The following SEMA3A variants were observed in gnomAD, a reference collection of about 807,000 sequenced individuals.
SEMA3A encodes the protein semaphorin-3A.
In SEMA3A, 29 loss-of-function variants were observed where a neutral mutation model predicts 97.9. The ratio of observed to expected loss-of-function variants is 0.30; its 90% CI spans 0.22 to 0.40. The LOEUF (loss-of-function observed/expected upper bound fraction) is 0.40. Among genes scored for constraint, SEMA3A ranks in the 10% least tolerant of loss-of-function variants. SEMA3A has a pLI of 1.00. For missense variants in SEMA3A, 763 were observed against 951.3 expected (o/e 0.80, Z 2.60); for synonymous variants, 321 against 323.7 (o/e 0.99, Z 0.09).
chr7:84,011,533 T>C (rs1790872358), intron 7 of SEMA3A, among the ~76,000 whole-genome samples: 1 of 152,154 alleles, frequency 6.6e-6, no homozygotes, highest in Non-Finnish European at 1.5e-5. Flanking sequence ...AGTAGTCCCT[T>C]TATTTATTCA....
chr7:84,351,061 A>T (rs908854469), intron 2 of SEMA3A, among the ~76,000 whole-genome samples: 2 of 137,714 alleles, frequency 1.5e-5, no homozygotes, highest in Non-Finnish European at 3.1e-5. Flanking sequence ...AGATGTACAC[A>T]TGCATACACA....
intron 1 of SEMA3A, among the ~76,000 whole-genome samples, chr7:84,461,509 C>T (rs780066905): frequency 6.6e-6 from 1 of 150,770 alleles, no homozygotes. Flanking sequence ...ATAAGACAAA[C>T]TTCAATGCAT....
chr7:84,387,034 AATTATAGCTT>A (rs1803416605), intron 1 of SEMA3A, among the ~76,000 whole-genome samples: 2 of 151,922 alleles, frequency 1.3e-5, no homozygotes, highest in African/African-American at 4.8e-5. Context: ...TAATACAGTC[AATTATAGCTT>A]ATTAGCTGTG....
chr7:83,989,320 T>C (rs1381715341), intron 12 of SEMA3A, among the ~76,000 whole-genome samples: 2 of 152,038 alleles, frequency 1.3e-5, no homozygotes, highest in Non-Finnish European at 2.9e-5. Flanking sequence ...TAGATAAAAA[T>C]TATTATTTTT....
chr7:84,021,368 T>C (rs1252052108), intron 6 of SEMA3A, among the ~76,000 whole-genome samples: 1 of 152,236 alleles, frequency 6.6e-6, no homozygotes, highest in Non-Finnish European at 1.5e-5. Context: ...GCATTTGCCC[T>C]ATATTTCTCC....
intron 1 of SEMA3A, among the ~76,000 whole-genome samples, chr7:84,475,934 A>T (rs1053826980): frequency 6.6e-5 from 10 of 152,238 alleles, no homozygotes; most frequent in African/African-American, 2.4e-4. Flanking sequence ...ATTAAGATAC[A>T]TCTTAGTAAA....
chr7:84,314,513 G>A (rs1007014818), intron 2 of SEMA3A, among the ~76,000 whole-genome samples: 4 of 152,144 alleles, frequency 2.6e-5, no homozygotes, highest in Admixed American at 6.6e-5. Flanking sequence ...GTATGTCTCA[G>A]ATTGGGGTTG....
chr7:84,431,623 T>C (rs942728944), intron 1 of SEMA3A, among the ~76,000 whole-genome samples: 1 of 108,406 alleles, frequency 9.2e-6, no homozygotes, highest in Admixed American at 1.1e-4. Context: ...AAAATCAGAG[T>C]TTTTTTTTTA....
intron 3 of SEMA3A, among the ~76,000 whole-genome samples, chr7:84,261,466 G>C (rs1462492700): frequency 6.6e-6 from 1 of 152,212 alleles, no homozygotes; most frequent in African/African-American, 2.4e-5. Flanking sequence ...CCTGAGCCAG[G>C]GCTGTAATAC....
At chr7:84,096,345 AT>A (rs1430759057) in intron 4 of SEMA3A, among the ~76,000 whole-genome samples, 1 of 152,052 alleles carries the variant, frequency 6.6e-6, no homozygotes, top group Non-Finnish European at 1.5e-5. Flanking sequence ...AAGCTATAGT[AT>A]TTTATAAACT....
chr7:84,491,633 T>A (rs937675687), intron 1 of SEMA3A, among the ~76,000 whole-genome samples: 1 of 152,110 alleles, frequency 6.6e-6, no homozygotes, highest in Non-Finnish European at 1.5e-5. Flanking sequence ...GTAAAAAGAT[T>A]CCCCATAGCC....
At chr7:84,136,959 A>AGG (rs879481159) in intron 1 of SEMA3A, among the ~76,000 whole-genome samples, 55,123 of 138,862 alleles carry the variant, frequency 0.4, 12,237 homozygotes, top group Middle Eastern at 0.51. Context: ...GGAGGGAGGG[A>AGG]AGAAGGAAGG....
chr7:84,410,922 G>A lies in SEMA3A; in HGVS notation c.-245-39022C>T, dbSNP rs140809590. Among the ~76,000 whole-genome samples the A allele has an allele frequency of 3.5e-3, 531 of 152,202 alleles. 3 individuals carry two copies. Among genetic ancestry groups the A allele is most frequent in the Non-Finnish European group, 5.6e-3 (381 of 68,000 alleles). ...TATACTGACACAGTGACAACTATTA[G>A]ATAGAACTTACTTCAGGTTTTTCTT... On this transcript the variant is annotated intron_variant, in intron 1 of 3. Transcript: ENST00000424555.
rs553728732 is a variant in SEMA3A at position 84,407,430 on chromosome 7, G to A, written c.-245-35530C>T. ...AATGGAAGAACATTCCATGCTCATG[G>A]GTAGGAAGAATCAATATCGTGAAAA... On this transcript the variant is annotated intron_variant, in intron 1 of 3. Coordinates refer to the SEMA3A transcript ENST00000424555. 2.0e-4 allele frequency among the ~76,000 whole-genome samples: 31 copies of A among 152,132 alleles called. No homozygotes were observed. In the East Asian group the frequency reaches 5.2e-3, roughly 26 times the overall value.
chr7:84,024,551 C>T (rs957337873), intron 6 of SEMA3A, among the ~76,000 whole-genome samples: 3 of 151,834 alleles, frequency 2.0e-5, no homozygotes, highest in Non-Finnish European at 4.4e-5. Flanking sequence ...TCCCTGCACA[C>T]CCAATGCCCC....
At chr7:84,423,709 T>C (rs1480795538) in intron 1 of SEMA3A, among the ~76,000 whole-genome samples, 1 of 152,010 alleles carries the variant, frequency 6.6e-6, no homozygotes. Flanking sequence ...TTTTGTTCCC[T>C]AGTTAGCAGA....
In SEMA3A at chr7:84,143,920, A is replaced by ATCTCTC. The variant is rs142920312; in HGVS notation, c.113-8975_113-8970dup. On this transcript the variant is annotated intron_variant, in intron 1 of 16. Transcript: ENST00000265362. ...GCAAGCCAAGCTAGGTACTGTCCTA[A>ATCTCTC]TCTCTCTCTCTCTCTCTCTCTCTCT... 4.9e-3 allele frequency among the ~76,000 whole-genome samples: 632 copies of ATCTCTC among 128,688 alleles called. 6 individuals carry two copies. The highest frequency in any genetic ancestry group is 0.018 in the African/African-American group (608 of 33,760). The allele number at this position is 128,688 out of a possible 152,430, so 84.4% of individuals were successfully genotyped here.
intron 1 of SEMA3A, among the ~76,000 whole-genome samples, chr7:84,403,096 G>A (rs1803953385): frequency 6.6e-6 from 1 of 152,110 alleles, no homozygotes; most frequent in East Asian, 1.9e-4. Context: ...AGCAGGATGA[G>A]GCATCGCCTC....
chr7:84,259,274 G>A (rs1422082990), intron 3 of SEMA3A, among the ~76,000 whole-genome samples: 1 of 152,144 alleles, frequency 6.6e-6, no homozygotes, highest in African/African-American at 2.4e-5. Flanking sequence ...AATTTATGAA[G>A]AGAGTTTTGT....
Sources: gnomAD v4.1 joint callset for allele counts (sites outside exome capture counted in the v4.1 genomes callset) on GRCh38, gnomAD v4.1.1 for gene constraint, MANE v1.5 for transcripts, NCBI Gene and HGNC (gene_info 2026-07-23, HGNC 2026-07-21) for gene names.